SURF1: variants seen among roughly 807,000 people sequenced by gnomAD.
The protein encoded by SURF1 is SURF1 cytochrome c oxidase assembly factor, also known as surfeit locus protein 1.
SURF1 carries 45 observed loss-of-function variants against 34.1 expected under a neutral mutation model. That is an observed-to-expected ratio of 1.32 (90% CI 1.04 to 1.69). The LOEUF (loss-of-function observed/expected upper bound fraction) is 1.69, where lower values mean the gene tolerates loss of function less well. SURF1 is among the 40% of genes most tolerant of loss of function. The pLI is 0.00. For synonymous variants in SURF1, 188 were observed against 147.5 expected, an observed-to-expected ratio of 1.27 and a Z score of -1.99; for missense variants, 456 against 384.6, an observed-to-expected ratio of 1.19 and a Z score of -1.55.
At position 133,351,927 on chromosome 9, in the gene SURF1, T is replaced by G. The variant is rs2130002732; in HGVS notation, c.889A>C (p.Thr297Pro). Residue 297 changes from threonine to proline, a missense_variant, in exon 9 of 9, where the codon ACA becomes CCA. Transcript: ENST00000371974. ...CAGCTGATCTGTCACACACCAGGTG[T>G]CCCACGTAGGAATTTCTTAAACCAC... ...YLWFKKFLRG[T>P]PGV 9.3e-6 allele frequency: 15 copies of G among 1,613,716 alleles called. No individual in the cohort carries two copies. The South Asian group carries it at 1.6e-4, about 18-fold the overall frequency.
Position 133,354,965 on chromosome 9 carries a change from G to C in SURF1, c.107-8C>G. 1 of 1,613,018 alleles carries C rather than the reference G, an allele frequency of 6.2e-7. No homozygotes were observed. The highest frequency in any genetic ancestry group is 8.5e-7 in the Non-Finnish European group (1 of 1,180,028). ...TTGGCCTCCAGGCCACCCCTGGAGA[G>C]TTTCACAACACTGACATGGAGCCAG... On this transcript the variant is annotated splice_region_variant and splice_polypyrimidine_tract_variant and intron_variant, in intron 2 of 8. Transcript: ENST00000371974.
At chr9:133,355,838 AGGCAGGCCTGG>A (rs1198337661) in intron 2 of SURF1, among the ~76,000 whole-genome samples, 1 of 151,708 alleles carries the variant, frequency 6.6e-6, no homozygotes, top group Non-Finnish European at 1.5e-5. Flanking sequence ...TTTTATAAAA[AGGCAGGCCTGG>A]GGCAGGCTTG....
Position 133,352,619 on chromosome 9 carries a change from A to T in SURF1, c.589-11T>A. ...CACTTCTCCCTCAATCTATAAAGGA[A>T]GGTGTGTGAGATTGCATGGAGCCTG... On this transcript the variant is annotated splice_polypyrimidine_tract_variant and intron_variant, in intron 6 of 8. Coordinates refer to ENST00000371974, the MANE Select transcript of SURF1 (RefSeq NM_003172.4). The T allele has an allele frequency of 6.2e-7, 1 of 1,614,152 alleles. No individual in the cohort carries two copies. The highest frequency in any genetic ancestry group is 8.5e-7 in the Non-Finnish European group (1 of 1,180,012).
Position 133,352,772 on chromosome 9 carries a change from G to C in SURF1, c.516-6C>G. 1 of 1,608,796 alleles carries C rather than the reference G, an allele frequency of 6.2e-7. No individual in the cohort carries two copies. Among genetic ancestry groups the C allele is most frequent in the Non-Finnish European group, 8.5e-7 (1 of 1,177,956 alleles). Reference sequence around the variant, plus strand: ...TATTTACCAGGATGGTGACTCTAGGGTAATGAAAGTGCTACTTCAGGTGGG... The same window carrying C: ...TATTTACCAGGATGGTGACTCTAGGCTAATGAAAGTGCTACTTCAGGTGGG... On this transcript the variant is annotated splice_region_variant and splice_polypyrimidine_tract_variant and intron_variant, in intron 5 of 8. Transcript: ENST00000371974.
Position 133,352,045 on chromosome 9 carries a change from G to C in SURF1, c.833+16C>G, listed in dbSNP as rs1272809745. 6.2e-7 allele frequency: 1 copy of C among 1,612,204 alleles called. No homozygotes were observed. Among genetic ancestry groups the C allele is most frequent in the African/African-American group, 1.3e-5 (1 of 74,902 alleles). The stretch of plus-strand genomic sequence containing the variant: ...AGGCTGAAGGGGAGGAAGCCAGAGG[G>C]CCGCTGGGGACTCACCAGGTCACGA... On this transcript the variant is annotated intron_variant, in intron 8 of 8. Coordinates refer to ENST00000371974, the MANE Select transcript of SURF1 (RefSeq NM_003172.4).
chr9:133,351,885 C>T lies in SURF1; in HGVS notation c.*28G>A. On this transcript the variant is annotated 3_prime_UTR_variant, in exon 9 of 9. Coordinates refer to ENST00000371974, the MANE Select transcript of SURF1 (RefSeq NM_003172.4). ...GGCAGTCTTGAAATACTGCATTATC[C>T]AGGGACAGGGCTTCAGCAGCTGATC... The T allele has an allele frequency of 6.2e-7, 1 of 1,609,322 alleles. No individual in the cohort carries two copies. The highest frequency in any genetic ancestry group is 8.5e-7 in the Non-Finnish European group (1 of 1,177,424).
Position 133,351,761 on chromosome 9 carries a change from G to T in SURF1, c.*152C>A. 5 of 887,100 alleles carry T rather than the reference G, an allele frequency of 5.6e-6. No individual in the cohort carries two copies. Among genetic ancestry groups the T allele is most frequent in the Non-Finnish European group, 9.0e-6 (5 of 558,154 alleles). The allele number at this position is 887,100 out of a possible 1,614,324, so 55.0% of individuals were successfully genotyped here. On this transcript the variant is annotated 3_prime_UTR_variant, in exon 9 of 9. Transcript: ENST00000371974. ...GTATCAAGTTTTGGGAAAGTTCTTTGGACTGAAACCAAGCCAGGATTTTAT... is the reference window on the plus strand; with the variant it reads ...GTATCAAGTTTTGGGAAAGTTCTTTTGACTGAAACCAAGCCAGGATTTTAT...
At position 133,354,738 on chromosome 9, in the gene SURF1, G is replaced by T. The variant is rs1243697560; in HGVS notation, c.244C>A (p.Gln82Lys). The change falls in exon 4 of 9, where the codon CAG becomes AAG. Residue 82 changes from glutamine to lysine, a missense_variant. Transcript: ENST00000371974. ...TAFGLGTWQV[Q>K]RRKWKLNLIA... ...AGGTTCAGCTTCCACTTCCGACGCTGGACCTACAGTGACAGAGCATAAGGC... is the reference window on the plus strand; with the variant it reads ...AGGTTCAGCTTCCACTTCCGACGCTTGACCTACAGTGACAGAGCATAAGGC... 6.2e-7 allele frequency: 1 copy of T among 1,613,524 alleles called. No homozygotes were observed. Among genetic ancestry groups the T allele is most frequent in the Non-Finnish European group, 8.5e-7 (1 of 1,180,034 alleles).
chr9:133,356,383 C>CCGCACCT lies in SURF1; in HGVS notation c.54+16_54+17insAGGTGCG, dbSNP rs1836587867. The CCGCACCT allele has an allele frequency of 7.1e-7, 1 of 1,402,304 alleles. No individual in the cohort carries two copies. Among genetic ancestry groups the CCGCACCT allele is most frequent in the African/African-American group, 1.5e-5 (1 of 66,048 alleles). 86.9% of individuals were successfully genotyped at this position (1,402,304 alleles called of 1,614,324 possible). The stretch of plus-strand genomic sequence containing the variant: ...CTCCCCGCGCCCCGCACCCCGCACC[C>CCGCACCT]CGCACCCGGCGCTCACCCGTCCCAG... On this transcript the variant is annotated intron_variant, in intron 1 of 8. Coordinates refer to ENST00000371974, the MANE Select transcript of SURF1 (RefSeq NM_003172.4).
rs1836416030 is a variant in SURF1, at chr9:133,351,784, TATG to T, written c.*126_*128del. The T allele has an allele frequency of 9.1e-7, 1 of 1,094,432 alleles. No individual in the cohort carries two copies. Among genetic ancestry groups the T allele is most frequent in the Non-Finnish European group, 1.4e-6 (1 of 738,098 alleles). The allele number at this position is 1,094,432 out of a possible 1,614,324, so 67.8% of individuals were successfully genotyped here. ...TTGGACTGAAACCAAGCCAGGATTT[TATG>T]ATGAACCAGTCATGAGCTCATTTAA... On this transcript the variant is annotated 3_prime_UTR_variant, in exon 9 of 9. Transcript: ENST00000371974.
At position 133,354,897 on chromosome 9, in the gene SURF1, G is replaced by C. The variant is rs116779216; in HGVS notation, c.167C>G (p.Ala56Gly). The C allele has an allele frequency of 4.3e-3, 6,959 of 1,613,944 alleles. 63 individuals carry two copies. Among genetic ancestry groups the C allele is most frequent in the African/African-American group, 0.035 (2,604 of 75,006 alleles). ...SSAAEASATKAEDDSFLQWVL... is the reference protein window; with the variant it reads ...SSAAEASATKGEDDSFLQWVL... Reference sequence around the variant, plus strand: ...CCACTGAAGAAAGGAGTCATCTTCCGCTTTTGTGGCAGATGCTTCTGCTGC... The same window carrying C: ...CCACTGAAGAAAGGAGTCATCTTCCCCTTTTGTGGCAGATGCTTCTGCTGC... Residue 56 changes from alanine (A) to glycine (G), a missense_variant, in exon 3 of 9, where the codon GCG becomes GGG. Ala to Gly is a moderately conservative substitution (Grantham distance 60). Coordinates refer to ENST00000371974, the MANE Select transcript of SURF1 (RefSeq NM_003172.4).
intron 7 of SURF1, 81 bp downstream of exon 7, chr9:133,352,365 G>T (rs926304186): frequency 1.5e-5 from 24 of 1,601,292 alleles, no homozygotes; most frequent in Non-Finnish European, 2.1e-5. Context: ...AGCCACAGTA[G>T]TGACTGGGCA....
intron 1 of SURF1, 27 bp from the exon 2 acceptor site, chr9:133,356,347 C>T (rs2130025646): frequency 6.7e-7 from 1 of 1,488,294 alleles, no homozygotes; most frequent in Non-Finnish European, 8.9e-7. Flanking sequence ...GCGGGCTGAG[C>T]TCCGGGACCC....
rs2130010422 is a variant in SURF1, at chr9:133,352,806, T to C, written c.516-40A>G. 17 of 1,583,880 alleles carry C rather than the reference T, an allele frequency of 1.1e-5. No individual in the cohort carries two copies. The African/African-American group carries it at 1.9e-4, about 18-fold the overall frequency. ...GTGCTACTTCAGGTGGGGAGGGTTTTTGACTAAAGACAGTCACTCATGGTC... is the reference window on the plus strand; with the variant it reads ...GTGCTACTTCAGGTGGGGAGGGTTTCTGACTAAAGACAGTCACTCATGGTC... On this transcript the variant is annotated intron_variant, in intron 5 of 8. Transcript: ENST00000371974.
rs2130002500 is a variant in SURF1 at position 133,351,916 on chromosome 9, C to G, written c.900G>C (p.Val300=). 68 of 1,613,488 alleles carry G rather than the reference C, an allele frequency of 4.2e-5. 1 individual carries two copies. The highest frequency in any genetic ancestry group is 4.7e-5 in the Non-Finnish European group (56 of 1,179,864). Residue 300 remains valine (V), a synonymous_variant, in exon 9 of 9, where the codon GTG becomes GTC. Transcript: ENST00000371974. ...FKKFLRGTPG[V] is the part of the protein sequence containing the mutation. ...CAGGGCTTCAGCAGCTGATCTGTCA[C>G]ACACCAGGTGTCCCACGTAGGAATT...
chr9:133,356,388 C>A lies in SURF1; in HGVS notation c.54+12G>T. 7.1e-7 allele frequency: 1 copy of A among 1,403,350 alleles called. No homozygotes were observed. Among genetic ancestry groups the A allele is most frequent in the Non-Finnish European group, 9.2e-7 (1 of 1,084,338 alleles). The allele number at this position is 1,403,350 out of a possible 1,614,324, so 86.9% of individuals were successfully genotyped here. ...CGCGCCCCGCACCCCGCACCCCGCA[C>A]CCGGCGCTCACCCGTCCCAGCCCCG... On this transcript the variant is annotated intron_variant, in intron 1 of 8. Coordinates refer to ENST00000371974, the MANE Select transcript of SURF1 (RefSeq NM_003172.4).
Position 133,351,857 on chromosome 9 carries a change from A to AT in SURF1, c.*55_*56insA, listed in dbSNP as rs1167022337. 1 of 1,562,554 alleles carries AT rather than the reference A, an allele frequency of 6.4e-7. No individual in the cohort carries two copies. Among genetic ancestry groups the AT allele is most frequent in the African/African-American group, 1.3e-5 (1 of 74,166 alleles). The stretch of plus-strand genomic sequence containing the variant: ...ATACCAGTAGCACATGATCCAGCAT[A>AT]AAGGCAGTCTTGAAATACTGCATTA... On this transcript the variant is annotated 3_prime_UTR_variant, in exon 9 of 9. Transcript: ENST00000371974.
At chr9:133,353,149 T>C (rs2130012346) in intron 5 of SURF1, among the ~76,000 whole-genome samples, 6 of 152,262 alleles carry the variant, frequency 3.9e-5, no homozygotes, top group Admixed American at 3.9e-4. Flanking sequence ...AAGGCAGCCG[T>C]GAGGAGCAGC....
chr9:133,353,033 C>A (rs112873213), intron 5 of SURF1, among the ~76,000 whole-genome samples: 3 of 152,308 alleles, frequency 2.0e-5, no homozygotes, highest in African/African-American at 7.2e-5. Flanking sequence ...TGTGGTCTAC[C>A]TACTACAACG....
Sources: gnomAD v4.1 joint callset for allele counts (sites outside exome capture counted in the v4.1 genomes callset) on GRCh38, gnomAD v4.1.1 for gene constraint, MANE v1.5 for transcripts, NCBI Gene and HGNC (gene_info 2026-07-23, HGNC 2026-07-21) for gene names.